NSMCE4A: variants seen among roughly 807,000 people sequenced by gnomAD.
NSMCE4A encodes the protein non-structural maintenance of chromosomes element 4 homolog A.
Under a neutral mutation model 47.9 loss-of-function variants are expected in NSMCE4A, and 40 were observed. The observed-to-expected ratio is 0.83, with a 90% CI of 0.65 to 1.09. The LOEUF is 1.09. NSMCE4A is among the 50% of genes least tolerant of loss of function. The probability of loss-of-function intolerance (pLI) is 0.00; values close to 1 mark genes in which losing one functional copy is unlikely to be tolerated. For missense variants in NSMCE4A, 500 were observed against 507.0 expected (o/e 0.99, Z 0.13); for synonymous variants, 166 against 178.5 (o/e 0.93, Z 0.56).
Position 121,960,125 on chromosome 10 carries a change from T to A in NSMCE4A, c.988+233A>T. The A allele has an allele frequency of 2.7e-6, 1 of 364,496 alleles. No homozygotes were observed. The highest frequency in any genetic ancestry group is 4.9e-6 in the Non-Finnish European group (1 of 205,546). The allele number at this position is 364,496 out of a possible 1,614,324, so 22.6% of individuals were successfully genotyped here. A position where few individuals can be genotyped will look rare whatever the true frequency, so the allele number is the denominator to read the frequency against. On this transcript the variant is annotated intron_variant, in intron 8 of 10. Transcript: ENST00000369023. This position sits in a 1 kb window ranked among gnomAD's most constrained non-coding sequence, Gnocchi z 4.2. Reference sequence around the variant, plus strand: ...TTCTAAATTAAGATCTGAGGGAAATTATATCATTTCTTTGTTAATATTTAC... The same window carrying A: ...TTCTAAATTAAGATCTGAGGGAAATAATATCATTTCTTTGTTAATATTTAC...
chr10:121,958,138 G>A (rs1397799760), intron 10 of NSMCE4A, among the ~76,000 whole-genome samples: 1 of 152,100 alleles, frequency 6.6e-6, no homozygotes, highest in Non-Finnish European at 1.5e-5. Flanking sequence ...TGAAGCAGGA[G>A]AATTGCTTGA....
At chr10:121,963,777 G>A (rs1952548195) in intron 5 of NSMCE4A, among the ~76,000 whole-genome samples, 1 of 152,122 alleles carries the variant, frequency 6.6e-6, no homozygotes, top group African/African-American at 2.4e-5. Context: ...CTACTCAGGA[G>A]GCTGAGGCAG....
chr10:121,969,673 A>C (rs761238958), intron 3 of NSMCE4A, among the ~76,000 whole-genome samples: 2 of 152,242 alleles, frequency 1.3e-5, no homozygotes, highest in Non-Finnish European at 2.9e-5. Context: ...AGGTGCAGCT[A>C]TCTGTGCTAG....
intron 2 of NSMCE4A, among the ~76,000 whole-genome samples, chr10:121,972,583 C>G (rs757516970): frequency 2.0e-5 from 3 of 152,070 alleles, no homozygotes; most frequent in Non-Finnish European, 2.9e-5. Flanking sequence ...GCTTTAAATA[C>G]TGGAAATAGC....
chr10:121,965,715 A>AG (rs1952594389), intron 4 of NSMCE4A: 1 of 220,220 alleles, frequency 4.5e-6, no homozygotes. Context: ...TTCTAAGAGC[A>AG]GGGGAAGGAT....
At chr10:121,962,292 G>T (rs2134742037) in intron 6 of NSMCE4A, among the ~76,000 whole-genome samples, 1 of 151,568 alleles carries the variant, frequency 6.6e-6, no homozygotes, top group Middle Eastern at 3.4e-3. Context: ...GGTGGCGGGT[G>T]CCTGTAGTCC....
intron 3 of NSMCE4A, among the ~76,000 whole-genome samples, chr10:121,969,155 C>T (rs113313429): frequency 0.063 from 9,659 of 152,188 alleles, 1,032 homozygotes; most frequent in African/African-American, 0.22. Flanking sequence ...CCAGCCTGGC[C>T]AACATGGCGA....
intron 5 of NSMCE4A, among the ~76,000 whole-genome samples, chr10:121,963,688 G>A (rs1258135458): frequency 6.6e-6 from 1 of 151,826 alleles, no homozygotes; most frequent in Non-Finnish European, 1.5e-5. Context: ...TGACCATCCT[G>A]GCTAACACGG....
chr10:121,972,959 G>A (rs940412611), intron 2 of NSMCE4A, among the ~76,000 whole-genome samples: 1 of 152,152 alleles, frequency 6.6e-6, no homozygotes, highest in East Asian at 1.9e-4. Context: ...GGAACCAGCC[G>A]GGGGCGGTGG....
At chr10:121,959,622 T>A (rs373689838) in intron 8 of NSMCE4A, 27 bp from the exon 9 acceptor site, 10 of 1,492,174 alleles carry the variant, frequency 6.7e-6, no homozygotes, top group Non-Finnish European at 9.4e-6. Context: ...TTTTTCAAAT[T>A]TATCAAAGGT....
intron 7 of NSMCE4A, 64 bp downstream of exon 7, chr10:121,961,359 G>A: frequency 8.6e-7 from 1 of 1,162,602 alleles, no homozygotes; most frequent in Non-Finnish European, 1.2e-6. Context: ...CCCTTCTACA[G>A]CTTTTCTTAT....
At chr10:121,972,526 G>A (rs1273700943) in intron 2 of NSMCE4A, among the ~76,000 whole-genome samples, 1 of 152,102 alleles carries the variant, frequency 6.6e-6, no homozygotes, top group African/African-American at 2.4e-5. Flanking sequence ...TGTTTGCTGA[G>A]CAACTCCTAG....
chr10:121,972,691 A>C (rs1442418377), intron 2 of NSMCE4A, among the ~76,000 whole-genome samples: 1 of 152,136 alleles, frequency 6.6e-6, no homozygotes, highest in Non-Finnish European at 1.5e-5. Flanking sequence ...CAGTAAGGAG[A>C]CTGGGAGTCC....
At chr10:121,963,480 G>C (rs1002054780) in intron 5 of NSMCE4A, 152 bp from the exon 6 acceptor site, 4 of 592,202 alleles carry the variant, frequency 6.8e-6, no homozygotes, top group Non-Finnish European at 1.2e-5. Context: ...ACCCAGGCTA[G>C]AGTGCAGTTG....
At chr10:121,958,005 G>A (rs531211866) in intron 10 of NSMCE4A, among the ~76,000 whole-genome samples, 6 of 151,672 alleles carry the variant, frequency 4.0e-5, no homozygotes, top group Admixed American at 2.6e-4. Context: ...CGAGGCGGGC[G>A]GACCACAAGG....
intron 3 of NSMCE4A, among the ~76,000 whole-genome samples, chr10:121,968,332 A>AT (rs1285829480): frequency 6.6e-6 from 1 of 152,288 alleles, no homozygotes; most frequent in African/African-American, 2.4e-5. Flanking sequence ...GCCCCCTGGG[A>AT]TTTTTTGTAT....
intron 2 of NSMCE4A, 39 bp downstream of exon 2, chr10:121,973,965 A>C (rs1169920257): frequency 7.2e-7 from 1 of 1,384,874 alleles, no homozygotes; most frequent in South Asian, 1.2e-5. Context: ...AATTAAAAGT[A>C]TCATAAAACA....
rs553451594 is a variant in NSMCE4A at position 121,960,239 on chromosome 10, T to C, written c.988+119A>G. On this transcript the variant is annotated intron_variant, in intron 8 of 10. Coordinates refer to ENST00000369023, the MANE Select transcript of NSMCE4A (RefSeq NM_017615.3). The surrounding 1 kb of genome is among the most constrained non-coding windows in gnomAD (Gnocchi z 4.2). ...AGTATCTTCAGGTAGTTGAGCAAGA[T>C]ACAATATTGTAAAAGTTAATCTACA... 371 of 675,140 alleles carry C rather than the reference T, an allele frequency of 5.5e-4. No individual in the cohort carries two copies. Among genetic ancestry groups the C allele is most frequent in the Non-Finnish European group, 7.5e-4 (331 of 440,100 alleles). 41.8% of individuals were successfully genotyped at this position (675,140 alleles called of 1,614,324 possible). A position where few individuals can be genotyped will look rare whatever the true frequency, so the allele number is the denominator to read the frequency against.
chr10:121,974,458 G>C, intron 1 of NSMCE4A: 1 of 1,010,620 alleles, frequency 9.9e-7, no homozygotes, highest in African/African-American at 1.7e-5. Flanking sequence ...GGGTCCGGGT[G>C]GGGTCCGAGA....
Sources: gnomAD v4.1 joint callset for allele counts (sites outside exome capture counted in the v4.1 genomes callset) on GRCh38, gnomAD v4.1.1 for gene constraint, Gnocchi (gnomAD v3.1) non-coding constraint, MANE v1.5 for transcripts, NCBI Gene and HGNC (gene_info 2026-07-23, HGNC 2026-07-21) for gene names.